BRD9: variants seen among roughly 807,000 people sequenced by gnomAD.
The protein encoded by BRD9 is bromodomain-containing protein 9.
Under a neutral mutation model 68.7 loss-of-function variants are expected in BRD9, and 47 were observed. The observed-to-expected ratio is 0.68, with a 90% confidence interval of 0.54 to 0.87. BRD9 has a LOEUF of 0.87. BRD9 is among the 40% of genes least tolerant of loss of function. The pLI is 0.00. For synonymous variants in BRD9, 313 were observed against 293.9 expected (o/e 1.06, Z -0.67); for missense variants, 670 against 748.4 (o/e 0.90, Z 1.22).
intron 6 of BRD9, chr5:886,988 C>T: frequency 5.6e-6 from 3 of 531,362 alleles, no homozygotes; most frequent in South Asian, 4.2e-5. Context: ...ATGCATGCAG[C>T]CTGGCTCACG....
intron 3 of BRD9, among the ~76,000 whole-genome samples, chr5:890,837 G>A (rs1272168608): frequency 1.3e-5 from 2 of 152,050 alleles, no homozygotes; most frequent in Admixed American, 6.5e-5. Context: ...AGGCTTTGCG[G>A]GTCACATACG....
chr5:869,776 CTCGCT>C (rs1749869329), intron 14 of BRD9, among the ~76,000 whole-genome samples: 1 of 152,236 alleles, frequency 6.6e-6, no homozygotes, highest in South Asian at 2.1e-4. Context: ...CCCGACATTC[CTCGCT>C]TCAAGTTGTC....
intron 7 of BRD9, among the ~76,000 whole-genome samples, chr5:884,713 G>A (rs1752289949): frequency 6.6e-6 from 1 of 152,258 alleles, no homozygotes; most frequent in African/African-American, 2.4e-5. Context: ...GTGGCCTAGG[G>A]CCAGGTGCAG....
rs765269473 is a variant in BRD9 at position 886,603 on chromosome 5, T to C, written c.822A>G (p.Arg274=). The change falls in exon 7 of 16, where the codon AGA becomes AGG. Residue 274 remains arginine, a synonymous_variant. Transcript: ENST00000467963. The part of the protein sequence containing the change: ...ETAKKSKKPS[R]EVISCMFEPE... Reference sequence around the variant, plus strand: ...CACAGAACCTTTACCTGATAACTTCTCTACTCGGCTTTTTGGATTTCTTGG... The same window carrying C: ...CACAGAACCTTTACCTGATAACTTCCCTACTCGGCTTTTTGGATTTCTTGG... 6.2e-7 allele frequency: 1 copy of C among 1,613,882 alleles called. No individual in the cohort carries two copies. Among genetic ancestry groups the C allele is most frequent in the Non-Finnish European group, 8.5e-7 (1 of 1,179,872 alleles).
At chr5:891,394 C>A (rs1753373013) in intron 2 of BRD9, 107 bp from the exon 3 acceptor site, 3 of 1,448,120 alleles carry the variant, frequency 2.1e-6, no homozygotes, top group Non-Finnish European at 2.7e-6. Context: ...CTAAGGGAAA[C>A]CCCCTCCGAG....
At chr5:875,038 A>G (rs1750698090) in intron 12 of BRD9, among the ~76,000 whole-genome samples, 1 of 152,236 alleles carries the variant, frequency 6.6e-6, no homozygotes, top group Non-Finnish European at 1.5e-5. Context: ...GTAGAACACA[A>G]AGAAAAGCCC....
chr5:891,437 G>C, intron 2 of BRD9, 150 bp from the exon 3 acceptor site: 2 of 1,342,448 alleles, frequency 1.5e-6, no homozygotes, highest in South Asian at 3.1e-5. Context: ...TCCTCACAGA[G>C]ACCCTGGCAG....
chr5:865,693 G>T, intron 14 of BRD9, 112 bp from the exon 15 acceptor site: 1 of 1,231,216 alleles, frequency 8.1e-7, no homozygotes, highest in Non-Finnish European at 1.1e-6. Flanking sequence ...GACAATAATT[G>T]CTCTGGAAAC....
chr5:892,516 G>T lies in BRD9; in HGVS notation c.52+90C>A. Reference sequence around the variant, plus strand: ...CTCCCTCGTGGCCAGGACCTCGCCCGGTGCCCAGGACCCCCGTCCGCGTGC... The same window carrying T: ...CTCCCTCGTGGCCAGGACCTCGCCCTGTGCCCAGGACCCCCGTCCGCGTGC... On this transcript the variant is annotated intron_variant, in intron 1 of 15. Transcript: ENST00000467963. 5 of 1,490,986 alleles carry T rather than the reference G, an allele frequency of 3.4e-6. No individual in the cohort carries two copies. The South Asian group carries it at 5.2e-5, about 15-fold the overall frequency. The allele number at this position is 1,490,986 out of a possible 1,614,324, so 92.4% of individuals were successfully genotyped here. A position where few individuals can be genotyped will look rare whatever the true frequency, so the allele number is the denominator to read the frequency against.
chr5:887,926 T>C (rs1752801782), intron 5 of BRD9, among the ~76,000 whole-genome samples: 2 of 152,220 alleles, frequency 1.3e-5, no homozygotes, highest in Admixed American at 1.3e-4. Context: ...CTCAAACTAC[T>C]AGAAAAAGAC....
At chr5:870,072 C>T (rs112645483) in intron 14 of BRD9, among the ~76,000 whole-genome samples, 690 of 152,306 alleles carry the variant, frequency 4.5e-3, no homozygotes, top group Non-Finnish European at 6.6e-3. Context: ...CAGGTGGGAG[C>T]GATGCAGAGG....
intron 10 of BRD9, 158 bp from the exon 11 acceptor site, chr5:878,645 C>A (rs41283153): frequency 0.04 from 37,140 of 940,250 alleles, 687 homozygotes; most frequent in Non-Finnish European, 0.045. Flanking sequence ...CCTGAGTTTT[C>A]CATGTGTAAC....
intron 5 of BRD9, among the ~76,000 whole-genome samples, chr5:888,042 G>A (rs1045459928): frequency 3.3e-5 from 5 of 152,204 alleles, no homozygotes; most frequent in African/African-American, 1.2e-4. Context: ...GCCTCTCAAA[G>A]GTGAGTACCA....
At chr5:881,268 T>C (rs922129713) in intron 8 of BRD9, 86 bp from the exon 9 acceptor site, 12 of 1,297,096 alleles carry the variant, frequency 9.3e-6, no homozygotes, top group Non-Finnish European at 1.1e-5. Context: ...CAGGGCTTAA[T>C]GGGGGTGAAA....
At chr5:887,145 G>T (rs1752690945) in intron 6 of BRD9, among the ~76,000 whole-genome samples, 1 of 152,250 alleles carries the variant, frequency 6.6e-6, no homozygotes, top group Admixed American at 6.5e-5. Context: ...AAGATCAAGA[G>T]ATGCGGAACT....
intron 4 of BRD9, among the ~76,000 whole-genome samples, 167 bp downstream of exon 4, chr5:889,420 A>G (rs1560930741): frequency 2.0e-5 from 3 of 152,072 alleles, no homozygotes; most frequent in African/African-American, 7.2e-5. Flanking sequence ...TGAGCCACTA[A>G]TGAGTTCATG....
chr5:877,680 G>C (rs1379579790), intron 11 of BRD9, among the ~76,000 whole-genome samples: 1 of 152,174 alleles, frequency 6.6e-6, no homozygotes, highest in Non-Finnish European at 1.5e-5. Context: ...TTATACTTTA[G>C]CCTGCCATGG....
At chr5:865,622 C>A in intron 14 of BRD9, 41 bp from the exon 15 acceptor site, 1 of 1,553,634 alleles carries the variant, frequency 6.4e-7, no homozygotes, top group Non-Finnish European at 8.7e-7. Flanking sequence ...CTGAGCTCAG[C>A]CGGCCCGTCT....
chr5:865,024 G>A (rs563501959), intron 15 of BRD9, among the ~76,000 whole-genome samples: 6 of 152,248 alleles, frequency 3.9e-5, no homozygotes, highest in South Asian at 2.1e-4. Flanking sequence ...TCACTCTGCC[G>A]ACAGAGTGAT....
Sources: gnomAD v4.1 joint callset for allele counts (sites outside exome capture counted in the v4.1 genomes callset) on GRCh38, gnomAD v4.1.1 for gene constraint, MANE v1.5 for transcripts, NCBI Gene and HGNC (gene_info 2026-07-23, HGNC 2026-07-21) for gene names.